ADAM22: variants seen among roughly 807,000 people sequenced by gnomAD.
The protein encoded by ADAM22 is ADAM metallopeptidase domain 22, also known as disintegrin and metalloproteinase domain-containing protein 22.
ADAM22 carries 65 observed loss-of-function variants against 144.6 expected under a neutral mutation model. The observed-to-expected ratio is 0.45, with a 90% CI of 0.37 to 0.55. ADAM22 has a LOEUF of 0.55. Ranked by LOEUF, ADAM22 falls within the 20% of genes least tolerant of loss-of-function variation. The probability of loss-of-function intolerance (pLI) is 0.00; values close to 1 mark genes in which losing one functional copy is unlikely to be tolerated. For missense variants in ADAM22, 974 were observed against 1,184.9 expected, an observed-to-expected ratio of 0.82 and a Z score of 2.61; for synonymous variants, 391 against 412.6, an observed-to-expected ratio of 0.95 and a Z score of 0.63.
intron 17 of ADAM22, among the ~76,000 whole-genome samples, chr7:88,148,647 G>A (rs750467840): frequency 7.9e-5 from 12 of 151,826 alleles, no homozygotes; most frequent in East Asian, 1.9e-4. Context: ...TAAAAGTGTC[G>A]GTGAGAATGA....
rs541914015 is a variant in ADAM22, at chr7:88,197,240, G to A, written c.*749G>A. 1 of 152,212 alleles carries A rather than the reference G, an allele frequency of 6.6e-6. No individual in the cohort carries two copies. Among genetic ancestry groups the A allele is most frequent in the Non-Finnish European group, 1.5e-5 (1 of 68,076 alleles). 9.4% of individuals were successfully genotyped at this position (152,212 alleles called of 1,614,324 possible). ...AGTGATCTTCAAAGACTATAAGCAG[G>A]TAATGTAAATATAGTGGTCAATGCT... On this transcript the variant is annotated 3_prime_UTR_variant, in exon 32 of 32. Coordinates refer to ENST00000413139, the MANE Select transcript of ADAM22 (RefSeq NM_001324418.2).
chr7:88,098,148 G>A (rs1418316658), intron 4 of ADAM22, among the ~76,000 whole-genome samples: 1 of 152,100 alleles, frequency 6.6e-6, no homozygotes, highest in African/African-American at 2.4e-5. Context: ...TTACAAATAA[G>A]CAATTTAGGA....
At chr7:88,145,272 G>T (rs943796450) in intron 16 of ADAM22, 76 bp downstream of exon 16, 8 of 1,530,140 alleles carry the variant, frequency 5.2e-6, no homozygotes, top group African/African-American at 1.4e-5. Context: ...GAGATGTATG[G>T]AGCAAATGTC....
rs771268950 is a variant in ADAM22, at chr7:87,935,126, A to G, written c.186A>G (p.Glu62=). Residue 62 remains glutamate (E), a synonymous_variant, in exon 2 of 32, where the codon GAA becomes GAG. Transcript: ENST00000413139. The part of the protein sequence containing the change: ...PLRLIYRSGG[E]DESRHDALDT... The stretch of plus-strand genomic sequence containing the variant: ...GCCTCATCTACCGCTCGGGCGGCGA[A>G]GACGAAAGTCGGCACGACGCGCTCG... 5 of 1,613,718 alleles carry G rather than the reference A, an allele frequency of 3.1e-6. No homozygotes were observed. Among genetic ancestry groups the G allele is most frequent in the Non-Finnish European group, 4.2e-6 (5 of 1,179,916 alleles).
chr7:87,948,755 G>C (rs1383780679), intron 2 of ADAM22, among the ~76,000 whole-genome samples: 1 of 152,156 alleles, frequency 6.6e-6, no homozygotes, highest in Non-Finnish European at 1.5e-5. Context: ...GCATGCTTAT[G>C]TGTCCATTAA....
chr7:88,135,902 A>G, intron 13 of ADAM22, 78 bp from the exon 14 acceptor site: 1 of 1,250,432 alleles, frequency 8.0e-7, no homozygotes, highest in South Asian at 1.7e-5. Flanking sequence ...AAGTGGAGAT[A>G]ATTATTTTAA....
intron 2 of ADAM22, among the ~76,000 whole-genome samples, chr7:87,964,463 A>G (rs1347299212): frequency 2.6e-5 from 4 of 152,200 alleles, no homozygotes; most frequent in Non-Finnish European, 4.4e-5. Flanking sequence ...TTTTTTTATC[A>G]CAGGGGCTAA....
At chr7:88,098,898 GA>G (rs2129486239) in intron 4 of ADAM22, among the ~76,000 whole-genome samples, 1 of 152,136 alleles carries the variant, frequency 6.6e-6, no homozygotes, top group East Asian at 1.9e-4. Flanking sequence ...GATACTACAA[GA>G]TCCTAGTGCT....
chr7:88,101,555 T>C (rs1242874353), intron 4 of ADAM22, among the ~76,000 whole-genome samples: 1 of 152,182 alleles, frequency 6.6e-6, no homozygotes, highest in Non-Finnish European at 1.5e-5. Context: ...TCTAGCCCCT[T>C]TGATCCAGGC....
intron 2 of ADAM22, 27 bp downstream of exon 2, chr7:87,935,213 C>A (rs1840947617): frequency 2.6e-6 from 4 of 1,545,698 alleles, no homozygotes; most frequent in Admixed American, 3.9e-5. Flanking sequence ...GGGAGGTGGT[C>A]CTCCGCGCCT....
In ADAM22 at chr7:88,202,776, G is replaced by A. The variant is rs1162976273; in HGVS notation, c.*6285G>A. On this transcript the variant is annotated 3_prime_UTR_variant, in exon 32 of 32. Transcript: ENST00000413139. ...CTGTAACTTAAGGTTCAAATTTCTG[G>A]CACAGTTTTATTAGTATTCACTTCG... 1 of 152,090 alleles carries A rather than the reference G, an allele frequency of 6.6e-6. No homozygotes were observed. The highest frequency in any genetic ancestry group is 1.5e-5 in the Non-Finnish European group (1 of 68,018). 9.4% of individuals were successfully genotyped at this position (152,090 alleles called of 1,614,324 possible).
intron 2 of ADAM22, among the ~76,000 whole-genome samples, chr7:87,944,824 T>G (rs1000899070): frequency 7.9e-5 from 12 of 151,386 alleles, no homozygotes; most frequent in Admixed American, 2.6e-4. Flanking sequence ...GTGTTTTTTT[T>G]TTTTTTGTTT....
chr7:88,117,456 A>G (rs539465360), intron 7 of ADAM22, among the ~76,000 whole-genome samples: 1 of 152,344 alleles, frequency 6.6e-6, no homozygotes, highest in South Asian at 2.1e-4. Context: ...CTAGCAACCT[A>G]TGTTGCTTTG....
intron 3 of ADAM22, among the ~76,000 whole-genome samples, chr7:88,066,011 A>C (rs538525397): frequency 1.3e-5 from 2 of 152,284 alleles, no homozygotes; most frequent in South Asian, 4.1e-4. Context: ...CTTAGGTACA[A>C]AGAATATTAG....
At chr7:88,189,704 G>A (rs1031153172) in intron 30 of ADAM22, among the ~76,000 whole-genome samples, 1 of 152,154 alleles carries the variant, frequency 6.6e-6, no homozygotes, top group Admixed American at 6.5e-5. Context: ...CCAGCACTTT[G>A]GGAGGCCAAG....
intron 26 of ADAM22, among the ~76,000 whole-genome samples, chr7:88,174,530 C>T (rs995834189): frequency 1.3e-5 from 2 of 152,104 alleles, no homozygotes; most frequent in African/African-American, 2.4e-5. Flanking sequence ...TATATTATAG[C>T]ACAATTGCTT....
chr7:87,974,099 TAAA>T (rs1192673019), intron 2 of ADAM22, among the ~76,000 whole-genome samples: 1 of 129,424 alleles, frequency 7.7e-6, no homozygotes, highest in African/African-American at 2.8e-5. Flanking sequence ...ATAATAAAAT[TAAA>T]AAAAAAAAAA....
intron 8 of ADAM22, among the ~76,000 whole-genome samples, chr7:88,128,333 AT>A (rs1377770286): frequency 6.6e-6 from 1 of 152,000 alleles, no homozygotes; most frequent in Non-Finnish European, 1.5e-5. Context: ...TGCTATATCC[AT>A]TGTGGGGGAA....
intron 3 of ADAM22, among the ~76,000 whole-genome samples, chr7:88,022,396 A>G (rs919789310): frequency 2.0e-5 from 3 of 152,208 alleles, no homozygotes; most frequent in African/African-American, 7.2e-5. Context: ...TATGTGCTAA[A>G]TGATTCTTAT....
Sources: gnomAD v4.1 joint callset for allele counts (sites outside exome capture counted in the v4.1 genomes callset) on GRCh38, gnomAD v4.1.1 for gene constraint, MANE v1.5 for transcripts, NCBI Gene and HGNC (gene_info 2026-07-23, HGNC 2026-07-21) for gene names.